AMH: variants seen among roughly 807,000 people sequenced by gnomAD.
AMH encodes anti-Mullerian hormone.
AMH carries 39 observed loss-of-function variants against 33.3 expected under a neutral mutation model. The ratio of observed to expected loss-of-function variants is 1.17; its 90% confidence interval spans 0.91 to 1.53. The LOEUF (loss-of-function observed/expected upper bound fraction) is 1.53, where lower values mean the gene tolerates loss of function less well. Ranked by LOEUF, AMH falls within the 40% of genes most tolerant of loss-of-function variation. The probability of loss-of-function intolerance (pLI) is 0.00; values close to 1 mark genes in which losing one functional copy is unlikely to be tolerated. For missense variants in AMH, 1,019 were observed against 799.8 expected, an observed-to-expected ratio of 1.27 and a Z score of -3.30; for synonymous variants, 536 against 403.0, an observed-to-expected ratio of 1.33 and a Z score of -3.95.
rs1316368594 is a variant in AMH at position 2,251,552 on chromosome 19, G to A, written c.1278G>A (p.Leu426=). 1 of 1,329,010 alleles carries A rather than the reference G, an allele frequency of 7.5e-7. No individual in the cohort carries two copies. The highest frequency in any genetic ancestry group is 9.6e-7 in the Non-Finnish European group (1 of 1,041,816). 82.3% of individuals were successfully genotyped at this position (1,329,010 alleles called of 1,614,324 possible). A position where few individuals can be genotyped will look rare whatever the true frequency, so the allele number is the denominator to read the frequency against. ...GGLGDPLRAL[L]LLKALQGLRV... ...TCGGCGATCCCCTGCGAGCGCTGCT[G>A]CTCCTGAAGGCGCTGCAGGGCCTGC... The change falls in exon 5 of 5, where the codon CTG becomes CTA. Residue 426 remains leucine (L), a synonymous_variant. Transcript: ENST00000221496.
In AMH at chr19:2,249,927, G is replaced by A. The variant is rs574668478; in HGVS notation, c.412+183G>A. On this transcript the variant is annotated intron_variant, in intron 1 of 4. Coordinates refer to ENST00000221496, the MANE Select transcript of AMH (RefSeq NM_000479.5). ...GGGCACCACACTCTGTCCTGTCCCC[G>A]AAGCCCAGCTCTTAGACTTGCCCCT... is the stretch of plus-strand genomic sequence containing the variant. 14 of 737,014 alleles carry A rather than the reference G, an allele frequency of 1.9e-5. 1 individual carries two copies. The highest frequency in any genetic ancestry group is 8.2e-5 in the South Asian group (4 of 48,768). 45.7% of individuals were successfully genotyped at this position (737,014 alleles called of 1,614,324 possible).
Position 2,251,944 on chromosome 19 carries a change from G to A in AMH, c.1670G>A (p.Cys557Tyr), listed in dbSNP as rs1439022615. The change falls in exon 5 of 5, where the codon TGT becomes TAT. Residue 557 changes from cysteine (C) to tyrosine (Y), a missense_variant. Physicochemically the swap from Cys to Tyr is radical, Grantham distance 194 (BLOSUM62 -2). Coordinates refer to ENST00000221496, the MANE Select transcript of AMH (RefSeq NM_000479.5). ...GTGCCCAACATGGTGGCCACCGAGTGTGGCTGCCGGTGACCCCTGCGCCGC... is the reference window on the plus strand; with the variant it reads ...GTGCCCAACATGGTGGCCACCGAGTATGGCTGCCGGTGACCCCTGCGCCGC... ...HHVPNMVATE[C>Y]GCR 3 of 1,546,746 alleles carry A rather than the reference G, an allele frequency of 1.9e-6. No individual in the cohort carries two copies. The highest frequency in any genetic ancestry group is 2.3e-5 in the South Asian group (2 of 85,482).
rs771925752 is a variant in AMH at position 2,251,287 on chromosome 19, G to A, written c.1013G>A (p.Arg338His). Reference protein sequence around the residue: ...VNLSDPAALERLLDGEEPLLL... With the variant: ...VNLSDPAALEHLLDGEEPLLL... Reference sequence around the variant, plus strand: ...CTGTCGGACCCCGCGGCGCTGGAGCGCCTACTCGACGGCGAGGAGCCGCTG... The same window carrying A: ...CTGTCGGACCCCGCGGCGCTGGAGCACCTACTCGACGGCGAGGAGCCGCTG... The change falls in exon 5 of 5, where the codon CGC becomes CAC. Residue 338 changes from arginine to histidine, a missense_variant. Arg to His is a conservative substitution (Grantham distance 29, BLOSUM62 0). Coordinates refer to ENST00000221496, the MANE Select transcript of AMH (RefSeq NM_000479.5). 7.8e-5 allele frequency: 117 copies of A among 1,503,466 alleles called. No individual in the cohort carries two copies. Among genetic ancestry groups the A allele is most frequent in the South Asian group, 1.1e-4 (9 of 80,600 alleles). 93.1% of individuals were successfully genotyped at this position (1,503,466 alleles called of 1,614,324 possible). A position where few individuals can be genotyped will look rare whatever the true frequency, so the allele number is the denominator to read the frequency against.
chr19:2,250,131 GCAGCCCCACCCA>G (rs1157665786), intron 1 of AMH, 194 bp from the exon 2 acceptor site: 65 of 823,148 alleles, frequency 7.9e-5, no homozygotes, highest in Non-Finnish European at 1.1e-4. Flanking sequence ...CCCCAGGGCG[GCAGCCCCACCCA>G]CAGCCTCAGA....
Position 2,251,399 on chromosome 19 carries a change from G to A in AMH, c.1125G>A (p.Leu375=). 1 of 1,452,866 alleles carries A rather than the reference G, an allele frequency of 6.9e-7. No homozygotes were observed. Among genetic ancestry groups the A allele is most frequent in the Non-Finnish European group, 9.0e-7 (1 of 1,109,330 alleles). 90.0% of individuals were successfully genotyped at this position (1,452,866 alleles called of 1,614,324 possible). ...DPTSAPWATA[L]ARRVAAELQA... ...CGTCGGCGCCGTGGGCCACGGCCCT[G>A]GCGCGCCGCGTGGCTGCTGAACTGC... The change falls in exon 5 of 5, where the codon CTG becomes CTA. Residue 375 remains leucine, a synonymous_variant. Transcript: ENST00000221496.
In AMH at chr19:2,250,723, C is replaced by T. The variant is rs1313809415; in HGVS notation, c.627C>T (p.Gly209=). 1 of 1,538,066 alleles carries T rather than the reference C, an allele frequency of 6.5e-7. No individual in the cohort carries two copies. The highest frequency in any genetic ancestry group is 8.7e-7 in the Non-Finnish European group (1 of 1,147,738). The change falls in exon 3 of 5, where the codon GGC becomes GGT. Residue 209 remains glycine, a synonymous_variant. Transcript: ENST00000221496. ...AVDRPAGAWR[G]SGLALTLQPR... ...ACCGCCCTGCGGGGGCCTGGCGCGG[C>T]TCCGGGCTGGCCTTGACCCTGCAGC...
At position 2,251,531 on chromosome 19, in the gene AMH, C is replaced by A; in HGVS notation, c.1257C>A (p.Gly419=). 7.5e-7 allele frequency: 1 copy of A among 1,340,312 alleles called. No homozygotes were observed. Among genetic ancestry groups the A allele is most frequent in the East Asian group, 3.2e-5 (1 of 31,042 alleles). The allele number at this position is 1,340,312 out of a possible 1,614,324, so 83.0% of individuals were successfully genotyped here. A position where few individuals can be genotyped will look rare whatever the true frequency, so the allele number is the denominator to read the frequency against. The change falls in exon 5 of 5, where the codon GGC becomes GGA. Residue 419 remains glycine, a synonymous_variant. Coordinates refer to ENST00000221496, the MANE Select transcript of AMH (RefSeq NM_000479.5). ...ALCPGGPGGL[G]DPLRALLLLK... ...GCCCAGGTGGCCCCGGCGGCCTCGGCGATCCCCTGCGAGCGCTGCTGCTCC... is the reference window on the plus strand; with the variant it reads ...GCCCAGGTGGCCCCGGCGGCCTCGGAGATCCCCTGCGAGCGCTGCTGCTCC...
rs1054849160 is a variant in AMH at position 2,250,654 on chromosome 19, C to T, written c.558C>T (p.Ser186=). The T allele has an allele frequency of 1.3e-6, 2 of 1,539,026 alleles. No individual in the cohort carries two copies. The highest frequency in any genetic ancestry group is 1.4e-5 in the African/African-American group (1 of 73,126). ...VTRAGLPGAQ[S]LCPSRDTRYL... ...GGGCTGAGCCCTGGTCTCCGCAGAG[C>T]CTCTGCCCCTCCCGAGACACCCGCT... Residue 186 remains serine, a splice_region_variant and synonymous_variant, in exon 3 of 5, where the codon AGC becomes AGT. Transcript: ENST00000221496.
Position 2,249,717 on chromosome 19 carries a change from C to A in AMH, c.385C>A (p.Arg129Ser). The change falls in exon 1 of 5, where the codon CGC (arginine) becomes AGC (serine). Residue 129 changes from arginine to serine, a missense_variant. Arg to Ser is a moderately radical substitution (Grantham distance 110). Coordinates refer to ENST00000221496, the MANE Select transcript of AMH (RefSeq NM_000479.5). ...CTGGCTGCGGGACCCTGGGGGGCAG[C>A]GCCTGGTGGTCCTACACCTGGAGGA... ...GAWLRDPGGQ[R>S]LVVLHLEEVT... 6.6e-7 allele frequency: 1 copy of A among 1,506,538 alleles called. No homozygotes were observed. The highest frequency in any genetic ancestry group is 8.8e-7 in the Non-Finnish European group (1 of 1,133,234). The allele number at this position is 1,506,538 out of a possible 1,614,324, so 93.3% of individuals were successfully genotyped here.
Position 2,251,655 on chromosome 19 carries a change from C to A in AMH, c.1381C>A (p.Pro461Thr). ...RSAGATAADGPCALRELSVDL... is the reference protein window; with the variant it reads ...RSAGATAADGTCALRELSVDL... ...CGCGGGGGCCACCGCCGCCGACGGG[C>A]CGTGCGCGCTGCGCGAGCTCAGCGT... is the stretch of plus-strand genomic sequence containing the variant. Residue 461 changes from proline to threonine, a missense_variant, in exon 5 of 5, where the codon CCG becomes ACG. Physicochemically the swap from Pro to Thr is conservative, Grantham distance 38. Coordinates refer to ENST00000221496, the MANE Select transcript of AMH (RefSeq NM_000479.5). The A allele has an allele frequency of 6.2e-7, 1 of 1,604,146 alleles. No individual in the cohort carries two copies.
Position 2,251,311 on chromosome 19 carries a change from T to C in AMH, c.1037T>C (p.Leu346Pro), listed in dbSNP as rs1203374487. ...LERLLDGEEPLLLLLRPTAAT... is the reference protein window; with the variant it reads ...LERLLDGEEPPLLLLRPTAAT... ...CGCCTACTCGACGGCGAGGAGCCGC[T>C]GCTGCTGCTGCTGAGGCCCACTGCG... is the stretch of plus-strand genomic sequence containing the variant. Residue 346 changes from leucine to proline, a missense_variant, in exon 5 of 5, where the codon CTG (leucine) becomes CCG (proline). Physicochemically the swap from Leu to Pro is moderately conservative, Grantham distance 98. Coordinates refer to ENST00000221496, the MANE Select transcript of AMH (RefSeq NM_000479.5). 2.0e-6 allele frequency: 3 copies of C among 1,490,548 alleles called. No individual in the cohort carries two copies. The highest frequency in any genetic ancestry group is 2.7e-6 in the Non-Finnish European group (3 of 1,126,592). 92.3% of individuals were successfully genotyped at this position (1,490,548 alleles called of 1,614,324 possible).
intron 1 of AMH, 53 bp from the exon 2 acceptor site, chr19:2,250,284 C>G (rs894766012): frequency 6.4e-7 from 1 of 1,555,564 alleles, no homozygotes; most frequent in Non-Finnish European, 8.6e-7. Flanking sequence ...CCAAAGATTC[C>G]CGGGGGGTGT....
chr19:2,250,030 T>C (rs2025001637), intron 1 of AMH: 1 of 611,670 alleles, frequency 1.6e-6, no homozygotes, highest in African/African-American at 1.9e-5. Context: ...AGTGGAACCC[T>C]TCTTCCCACA....
At position 2,250,855 on chromosome 19, in the gene AMH, G is replaced by A. The variant is rs1276425465; in HGVS notation, c.671G>A (p.Arg224Gln). 4 of 1,568,806 alleles carry A rather than the reference G, an allele frequency of 2.5e-6. No homozygotes were observed. The highest frequency in any genetic ancestry group is 3.6e-5 in the Admixed American group (2 of 56,296). The change falls in exon 4 of 5, where the codon CGG (arginine) becomes CAG (glutamine). Residue 224 changes from arginine to glutamine, a missense_variant. Transcript: ENST00000221496. ...GCGTGCCCACCCACCGCAGACTCCC[G>A]GCTGAGTACCGCCCGGCTGCAGGCA... ...LTLQPRGEDS[R>Q]LSTARLQALL...
At position 2,251,377 on chromosome 19, in the gene AMH, C is replaced by T. The variant is rs375971454; in HGVS notation, c.1103C>T (p.Ser368Leu). Residue 368 changes from serine (S) to leucine (L), a missense_variant, in exon 5 of 5, where the codon TCG becomes TTG. Physicochemically the swap from Ser to Leu is moderately radical, Grantham distance 145. Transcript: ENST00000221496. The part of the protein sequence containing the change: ...GDPAPLHDPT[S>L]APWATALARR... ...CCTGCGCCCCTGCACGACCCCACGT[C>T]GGCGCCGTGGGCCACGGCCCTGGCG... 6.1e-6 allele frequency: 9 copies of T among 1,471,512 alleles called. No homozygotes were observed. The highest frequency in any genetic ancestry group is 4.8e-5 in the Admixed American group (2 of 41,594). 91.2% of individuals were successfully genotyped at this position (1,471,512 alleles called of 1,614,324 possible). A position where few individuals can be genotyped will look rare whatever the true frequency, so the allele number is the denominator to read the frequency against.
chr19:2,251,867 C>T lies in AMH; in HGVS notation c.1593C>T (p.Tyr531=). Residue 531 remains tyrosine, a synonymous_variant, in exon 5 of 5, where the codon TAC becomes TAT. Transcript: ENST00000221496. ...ARPPCCVPTA[Y]AGKLLISLSE... is the part of the protein sequence containing the mutation. ...CACCCTGCTGCGTGCCCACCGCCTA[C>T]GCGGGCAAGCTGCTCATCAGCCTGT... The T allele has an allele frequency of 3.1e-6, 5 of 1,588,744 alleles. No homozygotes were observed. Among genetic ancestry groups the T allele is most frequent in the Non-Finnish European group, 3.4e-6 (4 of 1,174,052 alleles).
At position 2,250,955 on chromosome 19, in the gene AMH, C is replaced by T. The variant is rs1466893613; in HGVS notation, c.771C>T (p.Pro257=). ...PALLLLPRSE[P]APLPAHGQLD... ...TGCTCCTGCTGCCGCGGTCCGAGCC[C>T]GCGCCGCTGCCTGCGCACGGCCAGC... Residue 257 remains proline, a synonymous_variant, in exon 4 of 5, where the codon CCC becomes CCT. Coordinates refer to ENST00000221496, the MANE Select transcript of AMH (RefSeq NM_000479.5). 6 of 1,527,674 alleles carry T rather than the reference C, an allele frequency of 3.9e-6. No homozygotes were observed. Among genetic ancestry groups the T allele is most frequent in the Admixed American group, 2.0e-5 (1 of 50,822 alleles). The allele number at this position is 1,527,674 out of a possible 1,614,324, so 94.6% of individuals were successfully genotyped here.
rs1216379891 is a variant in AMH at position 2,250,372 on chromosome 19, G to A, written c.448G>A (p.Glu150Lys). 1 of 1,596,244 alleles carries A rather than the reference G, an allele frequency of 6.3e-7. No individual in the cohort carries two copies. The highest frequency in any genetic ancestry group is 8.5e-7 in the Non-Finnish European group (1 of 1,173,562). The change falls in exon 2 of 5, where the codon GAG becomes AAG. Residue 150 changes from glutamate (E) to lysine (K), a missense_variant. Physicochemically the swap from Glu to Lys is moderately conservative, Grantham distance 56 (BLOSUM62 1). Coordinates refer to ENST00000221496, the MANE Select transcript of AMH (RefSeq NM_000479.5). ...GCCAACACCCTCGCTGAGGTTCCAGGAGCCCCCGCCTGGAGGAGCTGGCCC... is the reference window on the plus strand; with the variant it reads ...GCCAACACCCTCGCTGAGGTTCCAGAAGCCCCCGCCTGGAGGAGCTGGCCC... ...WEPTPSLRFQ[E>K]PPPGGAGPPE... is the part of the protein sequence containing the mutation.
In AMH at chr19:2,250,734, C is replaced by A; in HGVS notation, c.638C>A (p.Ala213Asp). Residue 213 changes from alanine (A) to aspartate (D), a missense_variant, in exon 3 of 5, where the codon GCC becomes GAC. Ala to Asp is a moderately radical substitution (Grantham distance 126, BLOSUM62 -2). Coordinates refer to ENST00000221496, the MANE Select transcript of AMH (RefSeq NM_000479.5). Reference protein sequence around the residue: ...PAGAWRGSGLALTLQPRGEDS... With the variant: ...PAGAWRGSGLDLTLQPRGEDS... Reference sequence around the variant, plus strand: ...GGGGCCTGGCGCGGCTCCGGGCTGGCCTTGACCCTGCAGCCCCGCGGAGAG... The same window carrying A: ...GGGGCCTGGCGCGGCTCCGGGCTGGACTTGACCCTGCAGCCCCGCGGAGAG... The A allele has an allele frequency of 6.5e-7, 1 of 1,537,250 alleles. No homozygotes were observed. The highest frequency in any genetic ancestry group is 1.9e-5 in the Admixed American group (1 of 51,384).
Sources: allele counts gnomAD v4.1 joint callset, GRCh38; gene constraint gnomAD v4.1.1; transcripts MANE v1.5; gene names NCBI Gene and HGNC (gene_info 2026-07-23, HGNC 2026-07-21).